The following UMODL1 variants were observed in gnomAD, a reference collection of about 807,000 sequenced individuals.
UMODL1 encodes uromodulin like 1.
A neutral mutation model predicts 136.3 loss-of-function variants in UMODL1; 128 were observed. That is an observed-to-expected ratio of 0.94 (90% CI 0.81 to 1.09). The LOEUF (loss-of-function observed/expected upper bound fraction) is 1.09, where lower values mean the gene tolerates loss of function less well. UMODL1 is among the 50% of genes least tolerant of loss of function. UMODL1 has a pLI of 0.00. For missense variants in UMODL1, 1,766 were observed against 1,725.6 expected (o/e 1.02, Z -0.41); for synonymous variants, 721 against 720.0 (o/e 1.00, Z -0.02).
intron 21 of UMODL1, among the ~76,000 whole-genome samples, chr21:42,130,221 C>CTT (rs1555933370): frequency 0.081 from 12,215 of 150,454 alleles, 863 homozygotes; most frequent in East Asian, 0.23. Context: ...GCCATGTCAA[C>CTT]GTGTGTGTGT....
intron 4 of UMODL1, 45 bp from the exon 5 acceptor site, chr21:42,088,249 C>G: frequency 6.3e-7 from 1 of 1,588,040 alleles, no homozygotes; most frequent in East Asian, 2.3e-5. Context: ...GTCTGTCTGA[C>G]GGGGTGTCCT....
At chr21:42,066,537 C>T (rs2066184328), upstream of UMODL1, among the ~76,000 whole-genome samples, 1 of 152,206 alleles carries the variant, frequency 6.6e-6, no homozygotes, top group African/African-American at 2.4e-5. Flanking sequence ...CTGCCCAGCT[C>T]AGCCTCCCAA....
intron 5 of UMODL1, among the ~76,000 whole-genome samples, chr21:42,088,716 C>G (rs2066456735): frequency 6.6e-6 from 1 of 151,818 alleles, no homozygotes; most frequent in African/African-American, 2.4e-5. Flanking sequence ...TATTTTGCCC[C>G]CCATTTCCCG....
Position 42,120,931 on chromosome 21 carries a change from C to T in UMODL1, c.2690-156C>T, listed in dbSNP as rs140850991. ...ATTCCCAGCCCCAGCTTCAGGAAGC[C>T]TCCTGTACTTTCCAGAACTGGTGAG... On this transcript the variant is annotated intron_variant, in intron 15 of 22. Coordinates refer to ENST00000408910, the MANE Select transcript of UMODL1 (RefSeq NM_001004416.3). 267 of 912,450 alleles carry T rather than the reference C, an allele frequency of 2.9e-4. 1 individual carries two copies. In the African/African-American group the frequency reaches 4.2e-3, roughly 14 times the overall value. 56.5% of individuals were successfully genotyped at this position (912,450 alleles called of 1,614,324 possible). A position where few individuals can be genotyped will look rare whatever the true frequency, so the allele number is the denominator to read the frequency against.
rs1569171223 is a variant in UMODL1, at chr21:42,122,572, CGTGCGTGT to C, written c.2828-254_2828-247del. ...GTGTGTGTGTGTCTGCACGTGTGTG[CGTGCGTGT>C]GTGCATGTGTGTGCATGTGTGTGCA... On this transcript the variant is annotated intron_variant, in intron 16 of 22. Coordinates refer to ENST00000408910, the MANE Select transcript of UMODL1 (RefSeq NM_001004416.3). The surrounding 1 kb of genome is among the most constrained non-coding windows in gnomAD (Gnocchi z 4.3). 1.8e-3 allele frequency among the ~76,000 whole-genome samples: 257 copies of C among 142,234 alleles called. 1 individual carries two copies. Among genetic ancestry groups the C allele is most frequent in the African/African-American group, 6.3e-3 (242 of 38,148 alleles). The allele number at this position is 142,234 out of a possible 152,430, so 93.3% of individuals were successfully genotyped here.
rs2146521721 is a variant in UMODL1, at chr21:42,119,158, T to C, written c.2523T>C (p.Gly841=). The C allele has an allele frequency of 1.9e-6, 3 of 1,613,890 alleles. No individual in the cohort carries two copies. The highest frequency in any genetic ancestry group is 1.3e-5 in the African/African-American group (1 of 75,044). The change falls in exon 15 of 23, where the codon GGT becomes GGC. Residue 841 remains glycine, a synonymous_variant. Transcript: ENST00000408910. ...CCATGTGTCAGCACATGGACGCTGGTGGGGTCAGGATGGAAGTCGTCAGCG... is the reference window on the plus strand; with the variant it reads ...CCATGTGTCAGCACATGGACGCTGGCGGGGTCAGGATGGAAGTCGTCAGCG... The part of the protein sequence containing the change: ...PATMCQHMDA[G]GVRMEVVSVT...
Position 42,129,614 on chromosome 21 carries a change from A to C in UMODL1, c.3691-99A>C. 8 of 1,120,106 alleles carry C rather than the reference A, an allele frequency of 7.1e-6. 1 individual carries two copies. The South Asian group carries it at 1.4e-4, about 20-fold the overall frequency. The allele number at this position is 1,120,106 out of a possible 1,614,324, so 69.4% of individuals were successfully genotyped here. On this transcript the variant is annotated intron_variant, in intron 20 of 22. Transcript: ENST00000408910. ...TTGCCTTGCAACTTCTAGCAGGATA[A>C]AATCGCATACATCACATTAGCATCC...
intron 22 of UMODL1, among the ~76,000 whole-genome samples, chr21:42,139,257 G>A (rs151210986): frequency 9.4e-4 from 143 of 152,314 alleles, no homozygotes; most frequent in African/African-American, 3.4e-3. Context: ...GGAAGCATGC[G>A]GCTTCGGCTT....
chr21:42,069,229 A>AACACACACAC (rs61712292), upstream of UMODL1, among the ~76,000 whole-genome samples: 21,701 of 136,100 alleles, frequency 0.16, 1,973 homozygotes, highest in Non-Finnish European at 0.21. Context: ...CACAGACAGA[A>AACACACACAC]ACACACACAC....
intron 2 of UMODL1, among the ~76,000 whole-genome samples, chr21:42,080,051 C>T (rs566589336): frequency 1.3e-4 from 20 of 152,332 alleles, no homozygotes; most frequent in Middle Eastern, 3.4e-3. Context: ...CCCAGCCCCA[C>T]GGTCAGAGAC....
chr21:42,137,236 G>T (rs2067216452), intron 21 of UMODL1, among the ~76,000 whole-genome samples: 1 of 152,244 alleles, frequency 6.6e-6, no homozygotes, highest in Non-Finnish European at 1.5e-5. Flanking sequence ...GGCCTCCCCA[G>T]GCTGCGCTGT....
intron 2 of UMODL1, 56 bp from the exon 3 acceptor site, chr21:42,084,028 G>T: frequency 6.3e-7 from 1 of 1,589,992 alleles, no homozygotes; most frequent in Non-Finnish European, 8.6e-7. Flanking sequence ...TCCCCGTGCA[G>T]CAAATCAGGT....
At position 42,137,589 on chromosome 21, in the gene UMODL1, A is replaced by G. The variant is rs1240511115; in HGVS notation, c.3926A>G (p.Asn1309Ser). The stretch of plus-strand genomic sequence containing the variant: ...AGATACAACTTTAAAATCCAGTCCA[A>G]CAACTTCAGCTACCAGGTGTTCTAC... ...NGRYNFKIQS[N>S]NFSYQVFYE Residue 1309 changes from asparagine to serine, a missense_variant, in exon 22 of 23, where the codon AAC becomes AGC. Physicochemically the swap from Asn to Ser is conservative, Grantham distance 46. Coordinates refer to ENST00000408910, the MANE Select transcript of UMODL1 (RefSeq NM_001004416.3). The G allele has an allele frequency of 6.2e-7, 1 of 1,614,086 alleles. No homozygotes were observed. The highest frequency in any genetic ancestry group is 2.2e-5 in the East Asian group (1 of 44,868).
intron 7 of UMODL1, chr21:42,101,668 C>G: frequency 2.2e-6 from 1 of 451,274 alleles, no homozygotes; most frequent in Non-Finnish European, 4.4e-6. Flanking sequence ...ATAACGCAAC[C>G]TCCCTTGTAA....
In UMODL1 at chr21:42,135,040, G is replaced by A. The variant is rs1345800069; in HGVS notation, c.3776-2399G>A. ...CATCAACCCATCATCTAGGTTTTAAGCCTCACATGCCTTCTTCCCTTTCCC... is the reference window on the plus strand; with the variant it reads ...CATCAACCCATCATCTAGGTTTTAAACCTCACATGCCTTCTTCCCTTTCCC... On this transcript the variant is annotated intron_variant, in intron 21 of 22. Coordinates refer to ENST00000408910, the MANE Select transcript of UMODL1 (RefSeq NM_001004416.3). Among the ~76,000 whole-genome samples the A allele has an allele frequency of 2.6e-5, 4 of 152,322 alleles. No individual in the cohort carries two copies. The East Asian group carries it at 5.8e-4, about 22-fold the overall frequency.
chr21:42,072,634 C>T (rs188253855), intron 1 of UMODL1, among the ~76,000 whole-genome samples: 12 of 152,364 alleles, frequency 7.9e-5, no homozygotes, highest in Non-Finnish European at 1.3e-4. Context: ...ACAGGCATGA[C>T]CCCACTTCAG....
In UMODL1 at chr21:42,117,326, T is replaced by C. The variant is rs1198271275; in HGVS notation, c.2475+1341T>C. On this transcript the variant is annotated intron_variant, in intron 14 of 22. Transcript: ENST00000408910. ...GGCATAACCCATGCAGTCTCATCCA[T>C]TCATTCACCGAGCGCACTGGGCGGC... 3.3e-5 allele frequency among the ~76,000 whole-genome samples: 5 copies of C among 152,342 alleles called. No individual in the cohort carries two copies. In the East Asian group the frequency reaches 9.6e-4, roughly 29 times the overall value.
chr21:42,066,364 C>T (rs1053091635), upstream of UMODL1, among the ~76,000 whole-genome samples: 4 of 152,212 alleles, frequency 2.6e-5, no homozygotes, highest in Admixed American at 2.6e-4. Flanking sequence ...CTCACTGCAA[C>T]CTCCACCTCC....
chr21:42,077,459 G>C (rs2066308497), intron 2 of UMODL1, among the ~76,000 whole-genome samples: 2 of 150,856 alleles, frequency 1.3e-5, no homozygotes, highest in Admixed American at 1.3e-4. Context: ...TGGGGGTCTA[G>C]TTAAAACAAT....
Sources: allele counts gnomAD v4.1 joint callset (sites outside exome capture counted in the v4.1 genomes callset), GRCh38; gene constraint gnomAD v4.1.1; non-coding constraint Gnocchi (gnomAD v3.1); transcripts MANE v1.5; gene names NCBI Gene and HGNC (gene_info 2026-07-23, HGNC 2026-07-21).